ARIH2: variants seen among roughly 807,000 people sequenced by gnomAD.
ARIH2 encodes the protein ariadne RBR E3 ubiquitin protein ligase 2, also known as E3 ubiquitin-protein ligase ARIH2.
In ARIH2, 12 loss-of-function variants were observed where a neutral mutation model predicts 79.8. The ratio of observed to expected loss-of-function variants is 0.15; its 90% confidence interval spans 0.10 to 0.24. ARIH2 has a LOEUF of 0.24. Ranked by LOEUF, ARIH2 falls within the 10% of genes least tolerant of loss-of-function variation. ARIH2 has a pLI of 1.00. For missense variants in ARIH2, 301 were observed against 618.3 expected (o/e 0.49, Z 5.44); for synonymous variants, 224 against 213.9 (o/e 1.05, Z -0.41).
In ARIH2 at chr3:48,918,908, C is replaced by T. The variant is rs1363162429; in HGVS notation, c.-252C>T. 4 of 1,601,648 alleles carry T rather than the reference C, an allele frequency of 2.5e-6. No homozygotes were observed. Among genetic ancestry groups the T allele is most frequent in the African/African-American group, 2.7e-5 (2 of 74,824 alleles). On this transcript the variant is annotated 5_prime_UTR_variant, in exon 1 of 16. Coordinates refer to ENST00000356401, the MANE Select transcript of ARIH2 (RefSeq NM_006321.4). ...TTGACCGGCGTCGGCCCGCCGCCTCCGCTGCCGCTTCGCCCCAATCCGGTC... is the reference window on the plus strand; with the variant it reads ...TTGACCGGCGTCGGCCCGCCGCCTCTGCTGCCGCTTCGCCCCAATCCGGTC...
chr3:48,934,511 G>GAGC, intron 3 of ARIH2: 1 of 985,340 alleles, frequency 1.0e-6, no homozygotes, highest in African/African-American at 1.7e-5. Flanking sequence ...TTTGTGTGCT[G>GAGC]AGCAGCCCTC....
intron 3 of ARIH2, chr3:48,934,461 T>A (rs2086839498): frequency 2.0e-6 from 2 of 985,392 alleles, no homozygotes; most frequent in South Asian, 4.7e-5. Context: ...CTACTACTCA[T>A]GGGAAAGTAT....
At chr3:48,950,130 GTT>G (rs2089760572) in intron 3 of ARIH2, among the ~76,000 whole-genome samples, 1 of 152,000 alleles carries the variant, frequency 6.6e-6, no homozygotes, top group South Asian at 2.1e-4. Flanking sequence ...TGTGTTCTGT[GTT>G]TTGTTTGTTA....
At chr3:48,935,876 A>G (rs1311730308) in intron 3 of ARIH2, among the ~76,000 whole-genome samples, 1 of 152,114 alleles carries the variant, frequency 6.6e-6, no homozygotes, top group African/African-American at 2.4e-5. Context: ...GTTCTGGGCA[A>G]TGTATTGCTG....
chr3:48,927,299 C>A (rs1038504881), intron 2 of ARIH2, 163 bp from the exon 3 acceptor site: 27 of 429,086 alleles, frequency 6.3e-5, no homozygotes, highest in Non-Finnish European at 1.1e-4. Flanking sequence ...CTTTTATAAG[C>A]CTGGGCCAGG....
In ARIH2 at chr3:48,983,374, C is replaced by A; in HGVS notation, c.*104C>A. 9.2e-7 allele frequency: 1 copy of A among 1,091,118 alleles called. No individual in the cohort carries two copies. The highest frequency in any genetic ancestry group is 1.4e-6 in the Non-Finnish European group (1 of 715,030). 67.6% of individuals were successfully genotyped at this position (1,091,118 alleles called of 1,614,324 possible). ...TGCCTTTCATGACCCCAGGCAACAG[C>A]CAGGGCCCCACTCCTGAGAGACACT... is the stretch of plus-strand genomic sequence containing the variant. On this transcript the variant is annotated 3_prime_UTR_variant, in exon 16 of 16. Transcript: ENST00000356401.
chr3:48,983,047 C>T (rs1477503583), intron 15 of ARIH2, 68 bp downstream of exon 15: 14 of 1,539,216 alleles, frequency 9.1e-6, no homozygotes, highest in Admixed American at 1.7e-5. Flanking sequence ...TAGGTGACAG[C>T]GTTGTTGGCT....
At position 48,972,646 on chromosome 3, in the gene ARIH2, G is replaced by GA. The variant is rs199750819; in HGVS notation, c.771-1045dup. Among the ~76,000 whole-genome samples, 1,183 of 151,932 alleles carry GA rather than the reference G, an allele frequency of 7.8e-3. 11 individuals are homozygous for GA. The highest frequency in any genetic ancestry group is 0.027 in the African/African-American group (1,127 of 41,420). On this transcript the variant is annotated intron_variant, in intron 8 of 15. Coordinates refer to ENST00000356401, the MANE Select transcript of ARIH2 (RefSeq NM_006321.4). ...GTGACAAGAGCGAAACTCCATTTCAGAAAAAAAATTGTAGAGACAGGGTCT... is the reference window on the plus strand; with the variant it reads ...GTGACAAGAGCGAAACTCCATTTCAGAAAAAAAAATTGTAGAGACAGGGTCT...
chr3:48,967,496 G>A (rs1253727220), intron 6 of ARIH2, among the ~76,000 whole-genome samples: 1 of 152,176 alleles, frequency 6.6e-6, no homozygotes, highest in African/African-American at 2.4e-5. Context: ...AAATGTTGGC[G>A]TGAGTGCAGA....
At chr3:48,940,502 A>C (rs2087948968) in intron 3 of ARIH2, among the ~76,000 whole-genome samples, 1 of 151,862 alleles carries the variant, frequency 6.6e-6, no homozygotes, top group African/African-American at 2.4e-5. Flanking sequence ...TGTTGCGAGA[A>C]GTCAGGGACC....
rs34693818 is a variant in ARIH2, at chr3:48,956,439, C to CTTTTTTTTTT, written c.256-5148_256-5139dup. 1.1e-4 allele frequency among the ~76,000 whole-genome samples: 4 copies of CTTTTTTTTTT among 36,256 alleles called. 1 individual carries two copies. The highest frequency in any genetic ancestry group is 1.0e-4 in the Non-Finnish European group (2 of 19,452). The allele number at this position is 36,256 out of a possible 152,430, so 23.8% of individuals were successfully genotyped here. On this transcript the variant is annotated intron_variant, in intron 3 of 15. Transcript: ENST00000356401. ...CAGACGTGAGCCACTGCGCCCGGCA[C>CTTTTTTTTTT]TTTTTTTTTTTTTTTTTTTTTTTTT...
At chr3:48,938,538 G>A (rs2087511173) in intron 3 of ARIH2, among the ~76,000 whole-genome samples, 1 of 152,118 alleles carries the variant, frequency 6.6e-6, no homozygotes, top group Admixed American at 6.5e-5. Flanking sequence ...TAAAATTCTA[G>A]AAAATGCAAA....
In ARIH2 at chr3:48,918,879, G is replaced by T. The variant is rs774523567; in HGVS notation, c.-281G>T. 21 of 1,608,164 alleles carry T rather than the reference G, an allele frequency of 1.3e-5. No homozygotes were observed. The highest frequency in any genetic ancestry group is 1.7e-5 in the Non-Finnish European group (20 of 1,179,040). On this transcript the variant is annotated 5_prime_UTR_variant, in exon 1 of 16. Coordinates refer to ENST00000356401, the MANE Select transcript of ARIH2 (RefSeq NM_006321.4). ...ACGACTCTTCTGGAGGAAGCAGCGCGGGCTTGACCGGCGTCGGCCCGCCGC... is the reference window on the plus strand; with the variant it reads ...ACGACTCTTCTGGAGGAAGCAGCGCTGGCTTGACCGGCGTCGGCCCGCCGC...
At position 48,974,833 on chromosome 3, in the gene ARIH2, T is replaced by C. The variant is rs2092418343; in HGVS notation, c.905T>C (p.Ile302Thr). 1 of 1,613,550 alleles carries C rather than the reference T, an allele frequency of 6.2e-7. No homozygotes were observed. Among genetic ancestry groups the C allele is most frequent in the Non-Finnish European group, 8.5e-7 (1 of 1,180,036 alleles). Residue 302 changes from isoleucine (I) to threonine (T), a missense_variant, in exon 10 of 16, where the codon ATC becomes ACC. By Grantham distance (89) the Ile-to-Thr change is moderately conservative. Transcript: ENST00000356401. ...TCTCCTCAGTGTCCCAAGTGCAACA[T>C]CTGCATTGAGAAGAATGGAGGCTGC... The part of the protein sequence containing the change: ...AHTKDCPKCN[I>T]CIEKNGGCNH...
intron 3 of ARIH2, among the ~76,000 whole-genome samples, chr3:48,956,430 C>T (rs531482499): frequency 5.0e-5 from 7 of 139,732 alleles, no homozygotes; most frequent in South Asian, 4.9e-4. Flanking sequence ...TGAGCCACTG[C>T]GCCCGGCACT....
intron 4 of ARIH2, among the ~76,000 whole-genome samples, chr3:48,964,701 A>G (rs965034724): frequency 6.6e-6 from 1 of 152,168 alleles, no homozygotes; most frequent in South Asian, 2.1e-4. Flanking sequence ...TCTTAAATGT[A>G]GCATGATTTA....
At position 48,934,278 on chromosome 3, in the gene ARIH2, ATACT is replaced by A. The variant is rs2086812931; in HGVS notation, c.255+6468_255+6471del. The A allele has an allele frequency of 1.7e-5, 11 of 644,974 alleles. 1 individual carries two copies. In the South Asian group the frequency reaches 4.9e-4, roughly 29 times the overall value. The allele number at this position is 644,974 out of a possible 1,614,324, so 40.0% of individuals were successfully genotyped here. ...TAGCCATTTTCTTAATTGGTACTAA[ATACT>A]TATATAATGCCAAGTTAAAAGATAA... On this transcript the variant is annotated intron_variant, in intron 3 of 15. Coordinates refer to ENST00000356401, the MANE Select transcript of ARIH2 (RefSeq NM_006321.4).
chr3:48,919,879 G>A (rs1401324123), intron 1 of ARIH2, among the ~76,000 whole-genome samples: 1 of 152,040 alleles, frequency 6.6e-6, no homozygotes, highest in Non-Finnish European at 1.5e-5. Context: ...AACGTCTTCA[G>A]ACTCACTAAA....
chr3:48,923,874 C>T (rs1457376910), intron 2 of ARIH2, among the ~76,000 whole-genome samples: 1 of 152,130 alleles, frequency 6.6e-6, no homozygotes, highest in Non-Finnish European at 1.5e-5. Context: ...TGGCTCTTGC[C>T]TATAATCCCA....
Sources: allele counts gnomAD v4.1 joint callset (sites outside exome capture counted in the v4.1 genomes callset), GRCh38; gene constraint gnomAD v4.1.1; transcripts MANE v1.5; gene names NCBI Gene and HGNC (gene_info 2026-07-23, HGNC 2026-07-21).